The following HHAT variants were observed in gnomAD, a reference collection of about 807,000 sequenced individuals.
HHAT encodes hedgehog acyltransferase, also known as protein-cysteine N-palmitoyltransferase HHAT.
Under a neutral mutation model 70.8 loss-of-function variants are expected in HHAT, and 47 were observed. The observed-to-expected ratio is 0.66, with a 90% confidence interval of 0.53 to 0.85. The LOEUF is 0.85. Among genes scored for constraint, HHAT ranks in the 40% least tolerant of loss-of-function variants. The pLI is 0.00. For synonymous variants in HHAT, 228 were observed against 247.6 expected (o/e 0.92, Z 0.74); for missense variants, 609 against 604.8 (o/e 1.01, Z -0.07).
chr1:210,395,092 T>G (rs1436607413), intron 4 of HHAT, among the ~76,000 whole-genome samples: 1 of 152,192 alleles, frequency 6.6e-6, no homozygotes, highest in Non-Finnish European at 1.5e-5. Flanking sequence ...ATTGATTGAT[T>G]CCCTTTATTA....
At chr1:210,515,854 AGCCAGGAATTCAAG>A in intron 9 of HHAT, among the ~76,000 whole-genome samples, 2 of 152,206 alleles carry the variant, frequency 1.3e-5, no homozygotes. Flanking sequence ...GATCACTTGA[AGCCAGGAATTCAAG>A]GCCAGCCTGG....
At chr1:210,438,024 T>C (rs1386472521) in intron 7 of HHAT, among the ~76,000 whole-genome samples, 1 of 151,900 alleles carries the variant, frequency 6.6e-6, no homozygotes, top group East Asian at 1.9e-4. Context: ...CAGTCATCAG[T>C]GAACAGAGCT....
At chr1:210,393,740 G>C (rs1273585121) in intron 4 of HHAT, among the ~76,000 whole-genome samples, 1 of 152,214 alleles carries the variant, frequency 6.6e-6, no homozygotes, top group Non-Finnish European at 1.5e-5. Context: ...ATGAGGCAGA[G>C]TGAGCACTGA....
Position 210,623,541 on chromosome 1 carries a change from C to T in HHAT, c.1261C>T (p.Pro421Ser). The change falls in exon 11 of 12, where the codon CCA becomes TCA. Residue 421 changes from proline (P) to serine (S), a missense_variant. By Grantham distance (74) the Pro-to-Ser change is moderately conservative. Transcript: ENST00000261458. ...TTTCCCGTAGGCCCGATACTTCTCC[C>T]CACAAGCTCGCCGTCGATTCCACGC... ...IQDSLARYFS[P>S]QARRRFHAAL... 6.2e-7 allele frequency: 1 copy of T among 1,614,098 alleles called. No individual in the cohort carries two copies. The highest frequency in any genetic ancestry group is 8.5e-7 in the Non-Finnish European group (1 of 1,180,002).
At chr1:210,567,030 C>T (rs1654924597) in intron 9 of HHAT, among the ~76,000 whole-genome samples, 1 of 152,236 alleles carries the variant, frequency 6.6e-6, no homozygotes, top group South Asian at 2.1e-4. Context: ...GGGATGCTTG[C>T]TCCAGCTCCT....
chr1:210,580,250 T>C lies in HHAT; in HGVS notation c.1044-7648T>C, dbSNP rs147477155. Among the ~76,000 whole-genome samples the C allele has an allele frequency of 2.2e-3, 328 of 152,306 alleles. 2 individuals carry two copies. The highest frequency in any genetic ancestry group is 7.6e-3 in the African/African-American group (314 of 41,568). ...TATGGAGGATGACAAAGCCTGTGGT[T>C]GCCCATTAACCAACTGCTGGTTATT... On this transcript the variant is annotated intron_variant, in intron 9 of 11. Coordinates refer to ENST00000261458, the MANE Select transcript of HHAT (RefSeq NM_018194.6).
At chr1:210,634,786 A>G (rs1338187198) in intron 11 of HHAT, among the ~76,000 whole-genome samples, 3 of 152,346 alleles carry the variant, frequency 2.0e-5, no homozygotes, top group East Asian at 3.9e-4. Context: ...GGGTTGGCTC[A>G]TGACTTTTGG....
intron 9 of HHAT, among the ~76,000 whole-genome samples, chr1:210,540,676 A>T (rs555684115): frequency 6.6e-6 from 1 of 151,376 alleles, no homozygotes; most frequent in African/African-American, 2.4e-5. Context: ...TACATTGTCC[A>T]GGTTGGAGTG....
chr1:210,436,037 A>G (rs973751754), intron 7 of HHAT, among the ~76,000 whole-genome samples: 12 of 151,816 alleles, frequency 7.9e-5, no homozygotes, highest in Non-Finnish European at 1.8e-4. Flanking sequence ...CTTTGCCCAG[A>G]CCAGTGTCCT....
At chr1:210,652,412 C>T (rs143254510) in intron 11 of HHAT, among the ~76,000 whole-genome samples, 1 of 152,144 alleles carries the variant, frequency 6.6e-6, no homozygotes, top group African/African-American at 2.4e-5. Flanking sequence ...AATAAAGATT[C>T]AGAAACAGTG....
intron 11 of HHAT, among the ~76,000 whole-genome samples, chr1:210,629,145 A>C (rs540684215): frequency 6.6e-6 from 1 of 152,236 alleles, no homozygotes; most frequent in Non-Finnish European, 1.5e-5. Flanking sequence ...TGTTTACATC[A>C]TTGGTCCATT....
At chr1:210,330,084 T>G (rs948068091) in intron 1 of HHAT, among the ~76,000 whole-genome samples, 1 of 152,172 alleles carries the variant, frequency 6.6e-6, no homozygotes, top group African/African-American at 2.4e-5. Context: ...TATTTCAATG[T>G]GATTAAGTGC....
intron 9 of HHAT, among the ~76,000 whole-genome samples, chr1:210,585,986 A>G (rs530093775): frequency 9.2e-5 from 14 of 152,312 alleles, no homozygotes; most frequent in Middle Eastern, 3.4e-3. Context: ...TCTTGCTACA[A>G]TAAAGATGGA....
At chr1:210,657,740 G>T (rs182839487) in intron 11 of HHAT, among the ~76,000 whole-genome samples, 2 of 152,156 alleles carry the variant, frequency 1.3e-5, no homozygotes, top group African/African-American at 4.8e-5. Context: ...ATTTGGTGGT[G>T]GTAGAAGAGT....
intron 2 of HHAT, among the ~76,000 whole-genome samples, chr1:210,357,294 G>A (rs1179390128): frequency 1.3e-5 from 2 of 152,138 alleles, no homozygotes; most frequent in East Asian, 3.9e-4. Flanking sequence ...AACAGCAGAA[G>A]CAGGAAAGTT....
At chr1:210,643,541 T>C (rs1283781834) in intron 11 of HHAT, among the ~76,000 whole-genome samples, 1 of 152,236 alleles carries the variant, frequency 6.6e-6, no homozygotes, top group Non-Finnish European at 1.5e-5. Flanking sequence ...GGGTGAATCA[T>C]TCCTTCCTCT....
intron 1 of HHAT, among the ~76,000 whole-genome samples, chr1:210,348,002 G>GAA (rs927270401): frequency 1.3e-5 from 2 of 152,218 alleles, no homozygotes; most frequent in African/African-American, 4.8e-5. Context: ...ACTGAATTCT[G>GAA]AAAAGGGGTA....
At chr1:210,466,672 A>G (rs1197872220) in intron 8 of HHAT, among the ~76,000 whole-genome samples, 2 of 152,184 alleles carry the variant, frequency 1.3e-5, no homozygotes, top group Non-Finnish European at 1.5e-5. Context: ...TTCTGGGTCC[A>G]TGTCCATAAA....
At chr1:210,450,304 G>A (rs2093726119) in intron 7 of HHAT, among the ~76,000 whole-genome samples, 1 of 145,238 alleles carries the variant, frequency 6.9e-6, no homozygotes, top group Admixed American at 6.9e-5. Flanking sequence ...TGGGGGGGGT[G>A]GGAAACAGTG....
Sources: allele counts gnomAD v4.1 joint callset (sites outside exome capture counted in the v4.1 genomes callset), GRCh38; gene constraint gnomAD v4.1.1; transcripts MANE v1.5; gene names NCBI Gene and HGNC (gene_info 2026-07-23, HGNC 2026-07-21).